Variants in PABPC4L observed in about 807,000 individuals in gnomAD.
PABPC4L encodes poly(A) binding protein cytoplasmic 4 like, also known as polyadenylate-binding protein 4-like.
For synonymous variants in PABPC4L, 169 were observed against 164.1 expected (o/e 1.03, Z -0.23); for missense variants, 452 against 451.4 (o/e 1.00, Z -0.01).
the PABPC4L span, among the ~76,000 whole-genome samples, chr4:134,065,758 A>C: frequency 6.6e-6 from 1 of 152,104 alleles, no homozygotes; most frequent in African/African-American, 2.4e-5. Flanking sequence ...CAGGTTTTAC[A>C]TTTAAGTCTT....
At chr4:134,068,683 G>C in the PABPC4L span, among the ~76,000 whole-genome samples, 1 of 151,534 alleles carries the variant, frequency 6.6e-6, no homozygotes. Context: ...TCTATATTTA[G>C]CACTCCCTTC....
At chr4:134,073,899 G>A in the PABPC4L span, among the ~76,000 whole-genome samples, 13 of 152,116 alleles carry the variant, frequency 8.5e-5, no homozygotes, top group East Asian at 1.9e-4. Context: ...ACCATGTCCC[G>A]AGGCTGCACA....
the PABPC4L span, among the ~76,000 whole-genome samples, chr4:134,139,623 T>C: frequency 1.3e-5 from 2 of 151,912 alleles, no homozygotes; most frequent in African/African-American, 2.4e-5. Context: ...TGTACAGTCA[T>C]AGATAATTAA....
downstream of PABPC4L, among the ~76,000 whole-genome samples, chr4:134,195,430 A>T (rs73858047): frequency 6.6e-6 from 1 of 151,646 alleles, no homozygotes; most frequent in East Asian, 1.9e-4. Context: ...TATGACTGAT[A>T]TTCACTGAAT....
At chr4:134,050,701 T>A in the PABPC4L span, among the ~76,000 whole-genome samples, 1 of 39,354 alleles carries the variant, frequency 2.5e-5, no homozygotes. Flanking sequence ...CAAGACACCG[T>A]CTCCCAAAAA....
the PABPC4L span, among the ~76,000 whole-genome samples, chr4:134,118,060 T>C: frequency 6.6e-6 from 1 of 151,854 alleles, no homozygotes; most frequent in Non-Finnish European, 1.5e-5. Flanking sequence ...TACTGGGACT[T>C]AGGGGACCTA....
chr4:134,120,918 C>T, the PABPC4L span, among the ~76,000 whole-genome samples: 269 of 151,400 alleles, frequency 1.8e-3, 2 homozygotes, highest in African/African-American at 6.2e-3. Flanking sequence ...TCTCCTCTCT[C>T]CTCTGTGGAG....
chr4:134,132,616 A>G, the PABPC4L span, among the ~76,000 whole-genome samples: 7 of 151,940 alleles, frequency 4.6e-5, no homozygotes, highest in African/African-American at 1.7e-4. Context: ...ACTGGTGGGA[A>G]TGTAAACTAG....
the PABPC4L span, among the ~76,000 whole-genome samples, chr4:134,051,543 C>T: frequency 6.6e-6 from 1 of 152,082 alleles, no homozygotes; most frequent in South Asian, 2.1e-4. Context: ...GTAGTCAAAA[C>T]ACATTTAGAT....
chr4:133,984,815 G>A, the PABPC4L span, among the ~76,000 whole-genome samples: 1 of 151,822 alleles, frequency 6.6e-6, no homozygotes, highest in South Asian at 2.1e-4. Context: ...GACACTTGTT[G>A]TAAGTTTCTC....
the PABPC4L span, among the ~76,000 whole-genome samples, chr4:134,055,869 A>C: frequency 6.6e-6 from 1 of 151,988 alleles, no homozygotes; most frequent in Non-Finnish European, 1.5e-5. Flanking sequence ...CCATGCTTTC[A>C]GTGTCAAGAC....
chr4:133,953,051 G>C, the PABPC4L span, among the ~76,000 whole-genome samples: 8 of 152,182 alleles, frequency 5.3e-5, no homozygotes, highest in South Asian at 1.7e-3. Context: ...AGTTTATCAA[G>C]GGTTCCTGGT....
the PABPC4L span, among the ~76,000 whole-genome samples, chr4:134,098,582 G>C: frequency 5.7e-4 from 86 of 151,762 alleles, no homozygotes; most frequent in Middle Eastern, 3.4e-3. Flanking sequence ...CAAGCATTTA[G>C]TTATATATCC....
chr4:134,037,890 T>G, the PABPC4L span, among the ~76,000 whole-genome samples: 1 of 152,158 alleles, frequency 6.6e-6, no homozygotes, highest in Non-Finnish European at 1.5e-5. Flanking sequence ...AGGGCATCCT[T>G]GCCTTATGCC....
the PABPC4L span, among the ~76,000 whole-genome samples, chr4:134,092,158 C>T: frequency 1.3e-5 from 2 of 152,030 alleles, no homozygotes; most frequent in Admixed American, 1.3e-4. Context: ...AGCCTGGGCC[C>T]ACAGCCCTAA....
At chr4:133,984,264 G>A in the PABPC4L span, among the ~76,000 whole-genome samples, 1 of 151,780 alleles carries the variant, frequency 6.6e-6, no homozygotes, top group Non-Finnish European at 1.5e-5. Context: ...GTAGGTAAGA[G>A]GCAGTGAAAA....
the PABPC4L span, among the ~76,000 whole-genome samples, chr4:134,160,663 G>A: frequency 6.6e-6 from 1 of 151,954 alleles, no homozygotes; most frequent in Non-Finnish European, 1.5e-5. Context: ...GATTGTTGAG[G>A]TCAGAAGTTA....
the PABPC4L span, among the ~76,000 whole-genome samples, chr4:134,167,347 G>C: frequency 8.6e-5 from 13 of 152,046 alleles, no homozygotes; most frequent in Admixed American, 3.9e-4. Flanking sequence ...CTTCATCTCA[G>C]TTTTGCTGTG....
the PABPC4L span, among the ~76,000 whole-genome samples, chr4:134,040,872 A>C: frequency 2.0e-5 from 3 of 152,170 alleles, no homozygotes; most frequent in African/African-American, 7.2e-5. Flanking sequence ...ACTTAAATTT[A>C]CAACAACAAA....
Sources: gnomAD v4.1 joint callset for allele counts (sites outside exome capture counted in the v4.1 genomes callset) on GRCh38, gnomAD v4.1.1 for gene constraint, MANE v1.5 for transcripts, NCBI Gene and HGNC (gene_info 2026-07-23, HGNC 2026-07-21) for gene names.